The following GRIN2A variants were observed in gnomAD, a reference collection of about 807,000 sequenced individuals.
GRIN2A encodes the protein glutamate ionotropic receptor NMDA type subunit 2A, also known as glutamate receptor ionotropic, NMDA 2A.
A neutral mutation model predicts 113.4 loss-of-function variants in GRIN2A; 22 were observed. The observed-to-expected ratio is 0.19, with a 90% confidence interval of 0.14 to 0.28. The LOEUF (loss-of-function observed/expected upper bound fraction) is 0.28, where lower values mean the gene tolerates loss of function less well. Among genes scored for constraint, GRIN2A ranks in the 10% least tolerant of loss-of-function variants. The pLI, the probability that GRIN2A is intolerant of heterozygous loss-of-function variation, is 1.00. For missense variants in GRIN2A, 1,502 were observed against 1,887.0 expected, an observed-to-expected ratio of 0.80 and a Z score of 3.78; for synonymous variants, 827 against 738.4, an observed-to-expected ratio of 1.12 and a Z score of -1.94.
chr16:10,134,706 A>G (rs892484652), intron 2 of GRIN2A, among the ~76,000 whole-genome samples: 5 of 152,092 alleles, frequency 3.3e-5, no homozygotes, highest in African/African-American at 1.2e-4. Flanking sequence ...CAAATTGCCA[A>G]TGTTTATGCT....
At chr16:9,773,117 G>A (rs1901380467) in intron 11 of GRIN2A, among the ~76,000 whole-genome samples, 1 of 152,098 alleles carries the variant, frequency 6.6e-6, no homozygotes, top group Non-Finnish European at 1.5e-5. Flanking sequence ...GGAGATCAGG[G>A]ACCATGTTTT....
At chr16:9,866,725 A>G (rs1382043042) in intron 4 of GRIN2A, among the ~76,000 whole-genome samples, 1 of 152,198 alleles carries the variant, frequency 6.6e-6, no homozygotes, top group East Asian at 1.9e-4. Context: ...TACTTGTCAG[A>G]GCATTTGGAT....
intron 4 of GRIN2A, among the ~76,000 whole-genome samples, chr16:9,879,839 A>C (rs2043442139): frequency 2.0e-5 from 3 of 152,166 alleles, no homozygotes; most frequent in African/African-American, 4.8e-5. Context: ...AACAAATGTG[A>C]GTGATGATTA....
chr16:9,787,687 A>G (rs1045232150), intron 11 of GRIN2A, among the ~76,000 whole-genome samples: 1 of 152,228 alleles, frequency 6.6e-6, no homozygotes, highest in Non-Finnish European at 1.5e-5. Context: ...ACATGTAGTT[A>G]TCCTTCTCGT....
At chr16:10,005,916 CTGAGTGTATGA>C (rs2141853902) in intron 2 of GRIN2A, among the ~76,000 whole-genome samples, 1 of 152,336 alleles carries the variant, frequency 6.6e-6, no homozygotes, top group South Asian at 2.1e-4. Flanking sequence ...ACACAAACCT[CTGAGTGTATGA>C]ATAAACTACC....
intron 2 of GRIN2A, among the ~76,000 whole-genome samples, chr16:10,008,819 A>C (rs2046451508): frequency 6.6e-6 from 1 of 152,228 alleles, no homozygotes; most frequent in South Asian, 2.1e-4. Flanking sequence ...ACAGGTACCA[A>C]CAAATAATAA....
intron 2 of GRIN2A, among the ~76,000 whole-genome samples, chr16:10,061,900 G>A (rs188099947): frequency 5.4e-4 from 82 of 152,284 alleles, no homozygotes; most frequent in African/African-American, 1.7e-3. Context: ...AAAATGGGAC[G>A]TATTCAGCCA....
Position 9,763,800 on chromosome 16 carries a change from G to A in GRIN2A, c.3744C>T (p.Ile1248=), listed in dbSNP as rs1259213207. 6.2e-7 allele frequency: 1 copy of A among 1,614,108 alleles called. No individual in the cohort carries two copies. Among genetic ancestry groups the A allele is most frequent in the Non-Finnish European group, 8.5e-7 (1 of 1,180,002 alleles). Residue 1248 remains isoleucine (I), a synonymous_variant, in exon 13 of 13, where the codon ATC becomes ATT. Coordinates refer to ENST00000330684, the MANE Select transcript of GRIN2A (RefSeq NM_001134407.3). ...TCTCCTGAAGCATCTGGTCTTCATCGATGTCATAGAGGTTCCCCATCCGCA... is the reference window on the plus strand; with the variant it reads ...TCTCCTGAAGCATCTGGTCTTCATCAATGTCATAGAGGTTCCCCATCCGCA... ...ACLRMGNLYD[I]DEDQMLQETG...
At chr16:9,865,847 G>A (rs1308018103) in intron 4 of GRIN2A, among the ~76,000 whole-genome samples, 2 of 152,046 alleles carry the variant, frequency 1.3e-5, no homozygotes, top group African/African-American at 2.4e-5. Flanking sequence ...TTTTTAAATG[G>A]TTGAAAAAAA....
chr16:10,022,576 T>A (rs1243254076), intron 2 of GRIN2A, among the ~76,000 whole-genome samples: 3 of 152,310 alleles, frequency 2.0e-5, no homozygotes, highest in East Asian at 3.9e-4. Flanking sequence ...CCATAGTCTA[T>A]TTCCCACCCT....
intron 2 of GRIN2A, among the ~76,000 whole-genome samples, chr16:10,120,888 C>A (rs1343192822): frequency 6.6e-6 from 1 of 152,066 alleles, no homozygotes; most frequent in Non-Finnish European, 1.5e-5. Flanking sequence ...CATCCCCACA[C>A]TGTCCTCCTC....
At chr16:10,107,087 A>T in intron 2 of GRIN2A, among the ~76,000 whole-genome samples, 1 of 152,234 alleles carries the variant, frequency 6.6e-6, no homozygotes, top group East Asian at 1.9e-4. Flanking sequence ...ACAAAGAATG[A>T]AATGGAGGGC....
intron 2 of GRIN2A, among the ~76,000 whole-genome samples, chr16:10,129,277 T>C (rs529226603): frequency 6.6e-6 from 1 of 152,284 alleles, no homozygotes; most frequent in East Asian, 1.9e-4. Flanking sequence ...AAAGTCTCTC[T>C]GTGTTGCCCA....
chr16:10,052,346 G>A (rs988230186), intron 2 of GRIN2A, among the ~76,000 whole-genome samples: 2 of 152,304 alleles, frequency 1.3e-5, no homozygotes, highest in East Asian at 3.9e-4. Flanking sequence ...ACTGAGCCCC[G>A]TGGGCCAGTT....
rs551830869 is a variant in GRIN2A, at chr16:9,812,839, C to A, written c.2168+9425G>T. On this transcript the variant is annotated intron_variant, in intron 10 of 12. Transcript: ENST00000330684. The stretch of plus-strand genomic sequence containing the variant: ...AGTGAATTCAGAAGTGGAATAGTAG[C>A]TCAGTCTTAGGGAAAGTCAGTAAAC... Among the ~76,000 whole-genome samples, 27 of 152,252 alleles carry A rather than the reference C, an allele frequency of 1.8e-4. 1 individual carries two copies. The East Asian group carries it at 5.0e-3, about 28-fold the overall frequency.
intron 12 of GRIN2A, 89 bp downstream of exon 12, chr16:9,768,762 G>A: frequency 1.2e-6 from 1 of 862,844 alleles, no homozygotes; most frequent in South Asian, 1.3e-5. Flanking sequence ...GTAAGGGGAG[G>A]AAGTGCAGAC....
At chr16:10,131,930 G>C (rs997222479) in intron 2 of GRIN2A, among the ~76,000 whole-genome samples, 2 of 152,028 alleles carry the variant, frequency 1.3e-5, no homozygotes, top group Admixed American at 1.3e-4. Context: ...CTTATGATGT[G>C]TCAGGCACTG....
intron 2 of GRIN2A, among the ~76,000 whole-genome samples, chr16:10,103,548 G>A (rs1410774566): frequency 6.6e-6 from 1 of 152,114 alleles, no homozygotes; most frequent in African/African-American, 2.4e-5. Context: ...AGTGTTTTGG[G>A]GGTACAGGGA....
chr16:9,981,393 C>T (rs2045889415), intron 2 of GRIN2A, among the ~76,000 whole-genome samples: 1 of 152,146 alleles, frequency 6.6e-6, no homozygotes, highest in Non-Finnish European at 1.5e-5. Context: ...TTAAACTTGT[C>T]ATCATGGGAA....
Sources: allele counts gnomAD v4.1 joint callset (sites outside exome capture counted in the v4.1 genomes callset), GRCh38; gene constraint gnomAD v4.1.1; transcripts MANE v1.5; gene names NCBI Gene and HGNC (gene_info 2026-07-23, HGNC 2026-07-21).